The following EXTL3 variants were observed in gnomAD, a reference collection of about 807,000 sequenced individuals.
EXTL3 encodes exostosin like glycosyltransferase 3, also known as exostosin-like 3.
EXTL3 carries 27 observed loss-of-function variants against 69.3 expected under a neutral mutation model. That is an observed-to-expected ratio of 0.39 (90% confidence interval 0.29 to 0.54). The LOEUF (loss-of-function observed/expected upper bound fraction) is 0.54, where lower values mean the gene tolerates loss of function less well. Among genes scored for constraint, EXTL3 ranks in the 20% least tolerant of loss-of-function variants. The pLI is 0.69. For synonymous variants in EXTL3, 511 were observed against 499.4 expected, an observed-to-expected ratio of 1.02 and a Z score of -0.31; for missense variants, 1,003 against 1,231.8, an observed-to-expected ratio of 0.81 and a Z score of 2.78.
intron 6 of EXTL3, among the ~76,000 whole-genome samples, chr8:28,744,376 G>A (rs73235023): frequency 7.0e-4 from 107 of 152,228 alleles, no homozygotes; most frequent in Admixed American, 2.4e-3. Flanking sequence ...AGTTGTGTTC[G>A]ACTGGGTGCG....
At chr8:28,682,312 TGTTGA>T (rs1469500334) in intron 1 of EXTL3, among the ~76,000 whole-genome samples, 9 of 152,244 alleles carry the variant, frequency 5.9e-5, no homozygotes, top group Non-Finnish European at 1.5e-5. Context: ...GTTTCCTTGC[TGTTGA>T]GTTGAGTTCT....
At chr8:28,626,866 T>C (rs1806499199) in intron 1 of EXTL3, among the ~76,000 whole-genome samples, 1 of 152,174 alleles carries the variant, frequency 6.6e-6, no homozygotes, top group Non-Finnish European at 1.5e-5. Context: ...GCCTGGCTTC[T>C]CAAGCAATAC....
At chr8:28,733,745 A>C (rs1373771093) in intron 4 of EXTL3, among the ~76,000 whole-genome samples, 1 of 151,350 alleles carries the variant, frequency 6.6e-6, no homozygotes, top group Non-Finnish European at 1.5e-5. Context: ...CTTATTGATC[A>C]GTTAGCCTTT....
chr8:28,737,944 A>G (rs1165900577), intron 5 of EXTL3, among the ~76,000 whole-genome samples: 3 of 135,070 alleles, frequency 2.2e-5, no homozygotes, highest in African/African-American at 8.7e-5. Flanking sequence ...AACTGAGGGC[A>G]CTGGGCTAAA....
At chr8:28,704,589 C>T (rs1349464321) in intron 1 of EXTL3, among the ~76,000 whole-genome samples, 1 of 152,010 alleles carries the variant, frequency 6.6e-6, no homozygotes, top group Non-Finnish European at 1.5e-5. Flanking sequence ...TTTAAAGTCT[C>T]TTTTCCAACT....
intron 1 of EXTL3, among the ~76,000 whole-genome samples, chr8:28,705,417 G>A (rs1052347515): frequency 1.3e-5 from 2 of 152,052 alleles, no homozygotes; most frequent in Admixed American, 6.5e-5. Flanking sequence ...GAGAATGCCC[G>A]AGTCATAAGC....
At position 28,750,970 on chromosome 8, in the gene EXTL3, C is replaced by T; in HGVS notation, c.*104C>T. ...TGGGCACATCTGCTGGTGGGTGGCC[C>T]AGAGCCTCTGCTGGAAGGGGCAGCA... On this transcript the variant is annotated 3_prime_UTR_variant, in exon 7 of 7. Transcript: ENST00000220562. The surrounding 1 kb of genome is among the most constrained non-coding windows in gnomAD (Gnocchi z 5.2). 2 of 987,602 alleles carry T rather than the reference C, an allele frequency of 2.0e-6. No homozygotes were observed. Among genetic ancestry groups the T allele is most frequent in the Non-Finnish European group, 1.6e-6 (1 of 642,786 alleles). 61.2% of individuals were successfully genotyped at this position (987,602 alleles called of 1,614,324 possible).
chr8:28,716,900 A>G lies in EXTL3; in HGVS notation c.841A>G (p.Lys281Glu). 1 of 1,614,184 alleles carries G rather than the reference A, an allele frequency of 6.2e-7. No individual in the cohort carries two copies. Among genetic ancestry groups the G allele is most frequent in the Non-Finnish European group, 8.5e-7 (1 of 1,180,012 alleles). ...CCATGTCATCATCAATCTGTCACGT[A>G]AGTCAGATACACAGAACCTTCTCTA... ...HNHVIINLSR[K>E]SDTQNLLYNV... The change falls in exon 3 of 7, where the codon AAG becomes GAG. Residue 281 changes from lysine to glutamate, a missense_variant. Lys to Glu is a moderately conservative substitution (Grantham distance 56). Coordinates refer to ENST00000220562, the MANE Select transcript of EXTL3 (RefSeq NM_001440.4). This position sits in a 1 kb window ranked among gnomAD's most constrained non-coding sequence, Gnocchi z 7.1.
chr8:28,619,266 T>TAAAA (rs755355444), upstream of EXTL3, among the ~76,000 whole-genome samples: 32 of 64,648 alleles, frequency 4.9e-4, 6 homozygotes, highest in East Asian at 1.5e-3. Flanking sequence ...AGCTTAGTGA[T>TAAAA]AAAAAAAAAA....
intron 1 of EXTL3, among the ~76,000 whole-genome samples, chr8:28,674,419 A>G (rs1402413353): frequency 6.6e-6 from 1 of 152,196 alleles, no homozygotes; most frequent in Non-Finnish European, 1.5e-5. Context: ...GAATATAATG[A>G]TGTTGGTTGG....
intron 1 of EXTL3, among the ~76,000 whole-genome samples, chr8:28,695,013 C>T (rs568334797): frequency 1.3e-5 from 2 of 152,180 alleles, no homozygotes; most frequent in South Asian, 4.1e-4. Context: ...AAGACTCTGT[C>T]TCCAAATAAA....
intron 1 of EXTL3, among the ~76,000 whole-genome samples, chr8:28,701,875 G>C (rs1190359224): frequency 6.6e-6 from 1 of 152,118 alleles, no homozygotes; most frequent in Non-Finnish European, 1.5e-5. Context: ...GGGAGAGGCC[G>C]CCAGGCCCTC....
At chr8:28,726,296 G>T (rs912212712) in intron 3 of EXTL3, among the ~76,000 whole-genome samples, 1 of 152,122 alleles carries the variant, frequency 6.6e-6, no homozygotes, top group Non-Finnish European at 1.5e-5. Flanking sequence ...TCTGATTTTG[G>T]TGCCAGAATG....
At chr8:28,622,493 G>A (rs1354960985), upstream of EXTL3, among the ~76,000 whole-genome samples, 1 of 152,076 alleles carries the variant, frequency 6.6e-6, no homozygotes, top group Non-Finnish European at 1.5e-5. Flanking sequence ...CCGCGAGAAG[G>A]CGGGCCCGGG....
At chr8:28,704,956 C>G (rs1310612484) in intron 1 of EXTL3, among the ~76,000 whole-genome samples, 1 of 152,220 alleles carries the variant, frequency 6.6e-6, no homozygotes, top group Non-Finnish European at 1.5e-5. Context: ...ATCCGGCTTC[C>G]TTTGTTTCTG....
chr8:28,685,353 GT>G (rs750952576), intron 1 of EXTL3, among the ~76,000 whole-genome samples: 4 of 151,918 alleles, frequency 2.6e-5, no homozygotes, highest in Non-Finnish European at 5.9e-5. Context: ...AATCTTGAAC[GT>G]TTCTTCAGCT....
intron 1 of EXTL3, among the ~76,000 whole-genome samples, chr8:28,626,041 G>GT (rs1806485881): frequency 7.1e-6 from 1 of 141,636 alleles, no homozygotes; most frequent in East Asian, 2.1e-4. Context: ...GTGAGGTGGT[G>GT]CACACCTGTT....
chr8:28,634,088 C>T (rs1585223082), intron 1 of EXTL3, among the ~76,000 whole-genome samples: 1 of 152,218 alleles, frequency 6.6e-6, no homozygotes, highest in East Asian at 1.9e-4. Context: ...GGGCTGGGGC[C>T]AAGCCCATCT....
chr8:28,680,546 C>T (rs1317568764), intron 1 of EXTL3, among the ~76,000 whole-genome samples: 2 of 152,048 alleles, frequency 1.3e-5, no homozygotes, highest in African/African-American at 2.4e-5. Flanking sequence ...TGAATTAACA[C>T]ATCCATCACC....
Sources: gnomAD v4.1 joint callset for allele counts (sites outside exome capture counted in the v4.1 genomes callset) on GRCh38, gnomAD v4.1.1 for gene constraint, Gnocchi (gnomAD v3.1) non-coding constraint, MANE v1.5 for transcripts, NCBI Gene and HGNC (gene_info 2026-07-23, HGNC 2026-07-21) for gene names.